ACTR2: variants seen among roughly 807,000 people sequenced by gnomAD.
ACTR2 encodes the protein actin related protein 2, also known as actin-related protein 2.
A neutral mutation model predicts 50.2 loss-of-function variants in ACTR2; 5 were observed. The observed-to-expected ratio is 0.10, with a 90% CI of 0.05 to 0.21. The LOEUF (loss-of-function observed/expected upper bound fraction) is 0.21, where lower values mean the gene tolerates loss of function less well. ACTR2 is among the 10% of genes least tolerant of loss of function. The probability of loss-of-function intolerance (pLI) is 1.00; values close to 1 mark genes in which losing one functional copy is unlikely to be tolerated. For synonymous variants in ACTR2, 140 were observed against 162.9 expected, an observed-to-expected ratio of 0.86 and a Z score of 1.07; for missense variants, 180 against 480.6, an observed-to-expected ratio of 0.37 and a Z score of 5.85.
intron 3 of ACTR2, among the ~76,000 whole-genome samples, chr2:65,247,403 A>C (rs1341046930): frequency 6.6e-6 from 1 of 152,070 alleles, no homozygotes; most frequent in Non-Finnish European, 1.5e-5. Flanking sequence ...CCTGGCTAAC[A>C]CAGTGAAACT....
chr2:65,246,971 CA>C (rs545613035), intron 3 of ACTR2, among the ~76,000 whole-genome samples: 1 of 151,604 alleles, frequency 6.6e-6, no homozygotes, highest in South Asian at 2.1e-4. Flanking sequence ...AAAAACAGAC[CA>C]AAAAAATTAA....
intron 5 of ACTR2, among the ~76,000 whole-genome samples, chr2:65,254,176 A>AC (rs1033671493): frequency 2.6e-5 from 4 of 152,032 alleles, no homozygotes; most frequent in African/African-American, 9.7e-5. Flanking sequence ...GATAGAAGAG[A>AC]CCCCTAATTT....
intron 6 of ACTR2, among the ~76,000 whole-genome samples, chr2:65,255,912 C>T (rs1483615885): frequency 1.3e-5 from 2 of 152,112 alleles, no homozygotes; most frequent in Non-Finnish European, 2.9e-5. Context: ...ATAAATTACT[C>T]TCTATACTAG....
rs555221154 is a variant in ACTR2 at position 65,264,959 on chromosome 2, C to T, written c.882-84C>T. On this transcript the variant is annotated intron_variant, in intron 7 of 8. Transcript: ENST00000260641. ...TTTTATTTAATTCTCCCAGCAACCC[C>T]GAGGCTGACATAAGTAACAGTAACC... The T allele has an allele frequency of 6.7e-5, 101 of 1,499,940 alleles. 1 individual carries two copies. In the East Asian group the frequency reaches 6.8e-4, roughly 10 times the overall value. The allele number at this position is 1,499,940 out of a possible 1,614,324, so 92.9% of individuals were successfully genotyped here.
chr2:65,234,844 A>G (rs567843352), intron 1 of ACTR2, among the ~76,000 whole-genome samples: 14 of 152,264 alleles, frequency 9.2e-5, no homozygotes, highest in South Asian at 2.1e-4. Context: ...CATTCATTCT[A>G]TAATTTTTTT....
chr2:65,246,744 G>GT lies in ACTR2; in HGVS notation c.375+10dup. 1 of 1,588,764 alleles carries GT rather than the reference G, an allele frequency of 6.3e-7. No individual in the cohort carries two copies. The highest frequency in any genetic ancestry group is 8.6e-7 in the Non-Finnish European group (1 of 1,163,438). On this transcript the variant is annotated splice_donor_region_variant and intron_variant, in intron 3 of 8. Coordinates refer to ENST00000260641, the MANE Select transcript of ACTR2 (RefSeq NM_005722.4). ...AACAGAGAGAAGATTGTAGAGGTGAGTTTTTATGCAGGATATGCATATGTG... is the reference window on the plus strand; with the variant it reads ...AACAGAGAGAAGATTGTAGAGGTGAGTTTTTTATGCAGGATATGCATATGTG...
At chr2:65,266,228 G>C (rs909896255) in intron 8 of ACTR2, among the ~76,000 whole-genome samples, 2 of 152,208 alleles carry the variant, frequency 1.3e-5, no homozygotes, top group African/African-American at 4.8e-5. Flanking sequence ...GTAAGGTGAA[G>C]AGCTGGAAAA....
intron 1 of ACTR2, among the ~76,000 whole-genome samples, chr2:65,229,868 A>G (rs894788160): frequency 1.1e-4 from 16 of 152,186 alleles, no homozygotes; most frequent in African/African-American, 3.9e-4. Flanking sequence ...TTTAAGTTGA[A>G]AAAGGTTTTA....
At chr2:65,256,947 A>T (rs1023059282) in intron 6 of ACTR2, among the ~76,000 whole-genome samples, 3 of 152,050 alleles carry the variant, frequency 2.0e-5, no homozygotes, top group Admixed American at 6.6e-5. Context: ...AATTTTTTTA[A>T]ATTTATTTTT....
chr2:65,227,908 C>A lies in ACTR2; in HGVS notation c.-2C>A. 6.6e-7 allele frequency: 1 copy of A among 1,521,460 alleles called. No homozygotes were observed. Among genetic ancestry groups the A allele is most frequent in the South Asian group, 1.2e-5 (1 of 81,818 alleles). The allele number at this position is 1,521,460 out of a possible 1,614,324, so 94.2% of individuals were successfully genotyped here. A position where few individuals can be genotyped will look rare whatever the true frequency, so the allele number is the denominator to read the frequency against. ...CTGCAGCGGCTCTTCCCTGGGCGGA[C>A]GATGGACAGCCAGGGCAGGAAGGTG... On this transcript the variant is annotated 5_prime_UTR_variant, in exon 1 of 9. Coordinates refer to ENST00000260641, the MANE Select transcript of ACTR2 (RefSeq NM_005722.4).
intron 4 of ACTR2, among the ~76,000 whole-genome samples, 200 bp from the exon 5 acceptor site, chr2:65,253,528 A>G (rs1008819060): frequency 5.6e-5 from 8 of 141,704 alleles, no homozygotes. Context: ...GACAGCACAT[A>G]ATAGTAGACT....
rs184449409 is a variant in ACTR2 at position 65,255,538 on chromosome 2, G to A, written c.586-7G>A. On this transcript the variant is annotated splice_polypyrimidine_tract_variant and splice_region_variant and intron_variant, in intron 5 of 8. Coordinates refer to ENST00000260641, the MANE Select transcript of ACTR2 (RefSeq NM_005722.4). ...ATTATGAACTTATTGCTATTGTTTTGTACCAGCTACTTCTGTTGCGAGGAT... is the reference window on the plus strand; with the variant it reads ...ATTATGAACTTATTGCTATTGTTTTATACCAGCTACTTCTGTTGCGAGGAT... The A allele has an allele frequency of 4.2e-4, 672 of 1,611,458 alleles. 4 individuals are homozygous for A. In the African/African-American group the frequency reaches 6.1e-3, roughly 15 times the overall value.
intron 1 of ACTR2, among the ~76,000 whole-genome samples, chr2:65,231,468 A>C (rs955054149): frequency 6.6e-6 from 1 of 152,174 alleles, no homozygotes; most frequent in Non-Finnish European, 1.5e-5. Context: ...ATTCAGATGT[A>C]ATTTTGCAAA....
chr2:65,231,416 G>A (rs1315327182), intron 1 of ACTR2, among the ~76,000 whole-genome samples: 2 of 152,156 alleles, frequency 1.3e-5, no homozygotes. Flanking sequence ...TTAGATACCT[G>A]AAGTTATAAT....
chr2:65,240,055 T>C (rs1181793616), intron 2 of ACTR2, 93 bp downstream of exon 2: 2 of 861,912 alleles, frequency 2.3e-6, no homozygotes, highest in East Asian at 2.7e-5. Flanking sequence ...TTTTAAAATA[T>C]GTTGCCATGA....
At chr2:65,237,378 A>C (rs975304478) in intron 1 of ACTR2, among the ~76,000 whole-genome samples, 1 of 151,992 alleles carries the variant, frequency 6.6e-6, no homozygotes, top group Non-Finnish European at 1.5e-5. Flanking sequence ...GGACTATAGC[A>C]CATGCCACAA....
intron 1 of ACTR2, among the ~76,000 whole-genome samples, chr2:65,237,709 T>C (rs182647682): frequency 6.6e-6 from 1 of 152,156 alleles, no homozygotes; most frequent in East Asian, 1.9e-4. Context: ...AAACTTACGC[T>C]AGGCGTGGTG....
intron 1 of ACTR2, among the ~76,000 whole-genome samples, chr2:65,234,699 G>T (rs1671707586): frequency 6.6e-6 from 1 of 152,164 alleles, no homozygotes; most frequent in South Asian, 2.1e-4. Flanking sequence ...ACTAGGATCA[G>T]ACCTATGCTC....
intron 6 of ACTR2, among the ~76,000 whole-genome samples, chr2:65,260,626 A>G (rs1256810602): frequency 1.3e-5 from 2 of 151,988 alleles, no homozygotes; most frequent in Non-Finnish European, 2.9e-5. Context: ...TCAAAATACA[A>G]TGGTTGGTCA....
Sources: allele counts gnomAD v4.1 joint callset (sites outside exome capture counted in the v4.1 genomes callset), GRCh38; gene constraint gnomAD v4.1.1; transcripts MANE v1.5; gene names NCBI Gene and HGNC (gene_info 2026-07-23, HGNC 2026-07-21).